Variants in DLG1 observed in about 807,000 individuals in gnomAD.
The protein encoded by DLG1 is disks large homolog 1.
A neutral mutation model predicts 123.4 loss-of-function variants in DLG1; 42 were observed. The ratio of observed to expected loss-of-function variants is 0.34; its 90% CI spans 0.27 to 0.44. DLG1 has a LOEUF of 0.44. DLG1 is among the 20% of genes least tolerant of loss of function. DLG1 has a pLI of 1.00. For missense variants in DLG1, 942 were observed against 1,082.6 expected, an observed-to-expected ratio of 0.87 and a Z score of 1.82; for synonymous variants, 317 against 356.2, an observed-to-expected ratio of 0.89 and a Z score of 1.24.
chr3:197,183,464 A>G (rs747657888), intron 5 of DLG1: 3 of 976,970 alleles, frequency 3.1e-6, no homozygotes, highest in Admixed American at 5.3e-5. Context: ...ATTTCTACAC[A>G]TCCAAGGTTT....
At chr3:197,169,480 A>G (rs1803038466) in intron 5 of DLG1, among the ~76,000 whole-genome samples, 1 of 152,228 alleles carries the variant, frequency 6.6e-6, no homozygotes, top group Non-Finnish European at 1.5e-5. Flanking sequence ...GTCTGGAGTG[A>G]GGAAGGCCTA....
intron 5 of DLG1, among the ~76,000 whole-genome samples, chr3:197,179,182 C>G (rs1429473760): frequency 6.6e-6 from 1 of 152,148 alleles, no homozygotes; most frequent in Admixed American, 6.5e-5. Context: ...TCCGGATGGT[C>G]TGGACTTTCT....
At chr3:197,235,590 T>C (rs1364802666) in intron 4 of DLG1, among the ~76,000 whole-genome samples, 1 of 152,210 alleles carries the variant, frequency 6.6e-6, no homozygotes, top group East Asian at 1.9e-4. Context: ...AAAAGGCTAC[T>C]TGAGATCCAA....
At chr3:197,253,349 A>G (rs1561702360) in intron 4 of DLG1, among the ~76,000 whole-genome samples, 1 of 152,218 alleles carries the variant, frequency 6.6e-6, no homozygotes, top group Non-Finnish European at 1.5e-5. Context: ...CATCAGGGAA[A>G]TGTGGCTACA....
At chr3:197,188,560 C>T (rs1717431749) in intron 5 of DLG1, among the ~76,000 whole-genome samples, 1 of 152,154 alleles carries the variant, frequency 6.6e-6, no homozygotes, top group Non-Finnish European at 1.5e-5. Context: ...ATTGTGAAGA[C>T]TAAAGCTGTG....
At chr3:197,182,293 A>G (rs1193518758) in intron 5 of DLG1, among the ~76,000 whole-genome samples, 1 of 152,206 alleles carries the variant, frequency 6.6e-6, no homozygotes, top group Non-Finnish European at 1.5e-5. Context: ...TTCTTGGGGC[A>G]GTATTCAATT....
chr3:197,246,987 GC>G (rs1752037899), intron 4 of DLG1, among the ~76,000 whole-genome samples: 1 of 152,198 alleles, frequency 6.6e-6, no homozygotes, highest in Admixed American at 6.5e-5. Context: ...CATTCACTCA[GC>G]CCAAGTATAC....
intron 14 of DLG1, among the ~76,000 whole-genome samples, chr3:197,101,859 A>G (rs1344997625): frequency 6.6e-6 from 1 of 152,130 alleles, no homozygotes; most frequent in Non-Finnish European, 1.5e-5. Flanking sequence ...TGGTGAGATC[A>G]TAGCAATCCT....
chr3:197,236,519 T>G (rs1462053940), intron 4 of DLG1, among the ~76,000 whole-genome samples: 1 of 152,194 alleles, frequency 6.6e-6, no homozygotes, highest in Non-Finnish European at 1.5e-5. Context: ...CTGTTCAAAA[T>G]GATCATTTGG....
chr3:197,127,423 CAAAAAAAAAAAAAAAAAAAA>C (rs34530877), intron 11 of DLG1, among the ~76,000 whole-genome samples: 25 of 39,544 alleles, frequency 6.3e-4, no homozygotes, highest in South Asian at 1.3e-3. Context: ...ATTCTGTCTC[CAAAAAAAAAAAAAAAAAAAA>C]AAAAAAAAAA....
chr3:197,130,409 G>A (rs895790786), intron 11 of DLG1, 118 bp downstream of exon 11: 5 of 931,110 alleles, frequency 5.4e-6, no homozygotes, highest in African/African-American at 1.7e-5. Flanking sequence ...ATGCTTAATT[G>A]TTTCTTTAAA....
chr3:197,122,908 A>C (rs1777182828), intron 11 of DLG1, among the ~76,000 whole-genome samples: 1 of 152,092 alleles, frequency 6.6e-6, no homozygotes, highest in African/African-American at 2.4e-5. Context: ...ACAGTAACAA[A>C]ATTAAGATTT....
intron 2 of DLG1, 181 bp downstream of exon 2, chr3:197,297,005 T>C (rs556710066): frequency 1.2e-4 from 82 of 686,864 alleles, no homozygotes; most frequent in South Asian, 7.3e-4. Context: ...TAAGAAAGTT[T>C]AACAAACATT....
At chr3:197,178,492 T>C (rs920818348) in intron 5 of DLG1, among the ~76,000 whole-genome samples, 2 of 152,140 alleles carry the variant, frequency 1.3e-5, no homozygotes, top group South Asian at 2.1e-4. Flanking sequence ...AGATACTGAG[T>C]AGAAAGTTAG....
At chr3:197,202,619 G>T (rs1726372641) in intron 4 of DLG1, among the ~76,000 whole-genome samples, 1 of 152,154 alleles carries the variant, frequency 6.6e-6, no homozygotes, top group South Asian at 2.1e-4. Flanking sequence ...CATATTTAAT[G>T]GTGAAACAGG....
At chr3:197,252,822 A>G (rs758630571) in intron 4 of DLG1, among the ~76,000 whole-genome samples, 10 of 152,190 alleles carry the variant, frequency 6.6e-5, no homozygotes, top group Admixed American at 1.3e-4. Context: ...ATTTAATACC[A>G]TTTTACTATA....
chr3:197,083,794 C>CAAACAG (rs1553899880), intron 16 of DLG1, among the ~76,000 whole-genome samples: 1 of 149,302 alleles, frequency 6.7e-6, no homozygotes, highest in Non-Finnish European at 1.5e-5. Flanking sequence ...CCCATCTCCA[C>CAAACAG]AAACAAAAAC....
intron 14 of DLG1, among the ~76,000 whole-genome samples, chr3:197,095,262 A>G (rs1760009637): frequency 6.6e-6 from 1 of 152,216 alleles, no homozygotes; most frequent in African/African-American, 2.4e-5. Flanking sequence ...CAAAACCATC[A>G]AAAGTAACAT....
chr3:197,186,948 A>T (rs1280558762), intron 5 of DLG1, among the ~76,000 whole-genome samples: 1 of 152,232 alleles, frequency 6.6e-6, no homozygotes, highest in Non-Finnish European at 1.5e-5. Context: ...GTACAAAAAA[A>T]ACCCACCAAA....
Sources: allele counts gnomAD v4.1 joint callset (sites outside exome capture counted in the v4.1 genomes callset), GRCh38; gene constraint gnomAD v4.1.1; transcripts MANE v1.5; gene names NCBI Gene and HGNC (gene_info 2026-07-23, HGNC 2026-07-21).